The following CDR2 variants were observed in gnomAD, a reference collection of about 807,000 sequenced individuals.
CDR2 encodes cerebellar degeneration related protein 2, also known as cerebellar degeneration-related protein 2.
A neutral mutation model predicts 48.4 loss-of-function variants in CDR2; 34 were observed. The observed-to-expected ratio is 0.70, with a 90% CI of 0.53 to 0.94. The LOEUF (loss-of-function observed/expected upper bound fraction) is 0.94, where lower values mean the gene tolerates loss of function less well. Among genes scored for constraint, CDR2 ranks in the 40% least tolerant of loss-of-function variants. CDR2 has a pLI of 0.00. For synonymous variants in CDR2, 240 were observed against 219.7 expected (o/e 1.09, Z -0.82); for missense variants, 498 against 549.5 (o/e 0.91, Z 0.94).
Position 22,371,848 on chromosome 16 carries a change from A to ATGTGTG in CDR2, c.79+2377_79+2382dup, listed in dbSNP as rs56274013. Among the ~76,000 whole-genome samples the ATGTGTG allele has an allele frequency of 7.1e-4, 105 of 148,552 alleles. No individual in the cohort carries two copies. In the South Asian group the frequency reaches 0.016, roughly 23 times the overall value. On this transcript the variant is annotated intron_variant, in intron 1 of 4. Transcript: ENST00000268383. ...CAACTGGCAGTAAAGAGGTTCAGAT[A>ATGTGTG]TGTGTGTGTGTGTGTGTGTGTGTGT...
intron 4 of CDR2, among the ~76,000 whole-genome samples, chr16:22,348,950 C>T (rs1166035738): frequency 5.3e-5 from 8 of 152,214 alleles, no homozygotes; most frequent in Admixed American, 4.6e-4. Flanking sequence ...ATCTCCTGTT[C>T]GCTTGAATTT....
In CDR2 at chr16:22,347,331, C is replaced by T. The variant is rs772107643; in HGVS notation, c.999G>A (p.Arg333=). 4 of 1,614,250 alleles carry T rather than the reference C, an allele frequency of 2.5e-6. No homozygotes were observed. The highest frequency in any genetic ancestry group is 2.2e-5 in the South Asian group (2 of 91,092). ...CCCTCTGTTTCACAGCCTTGGCCCT[C>T]CTGATGCAGGTCTCCTCGTGGCCCT... ...IVKGHEETCI[R]RAKAVKQRGI... is the part of the protein sequence containing the mutation. The change falls in exon 5 of 5, where the codon AGG becomes AGA. Residue 333 remains arginine (R), a synonymous_variant. Coordinates refer to ENST00000268383, the MANE Select transcript of CDR2 (RefSeq NM_001802.2).
At position 22,347,249 on chromosome 16, in the gene CDR2, C is replaced by A; in HGVS notation, c.1081G>T (p.Glu361Ter). ...TCTTGGCACTTCTTCAGCAACTCTT[C>A]ATACTTCACCTTCAGGGCGCTGTAC... ...TQYSALKVKY[E>*]ELLKKCQEEQ... The change falls in exon 5 of 5, where the codon GAA becomes TAA. Residue 361 changes from glutamate (E) to a stop codon, truncating the protein, a stop_gained. Transcript: ENST00000268383. LOFTEE classifies it high-confidence loss of function. 3 of 1,614,198 alleles carry A rather than the reference C, an allele frequency of 1.9e-6. No homozygotes were observed. Among genetic ancestry groups the A allele is most frequent in the Non-Finnish European group, 2.5e-6 (3 of 1,180,030 alleles).
Position 22,346,311 on chromosome 16 carries a change from C to T in CDR2, c.*654G>A, listed in dbSNP as rs982411317. On this transcript the variant is annotated 3_prime_UTR_variant, in exon 5 of 5. Transcript: ENST00000268383. ...ATACAGGGATGGAGGCCCTCTAGGG[C>T]ATATGCTAACAAGCTAACTTATATC... The T allele has an allele frequency of 2.0e-5, 3 of 152,926 alleles. No homozygotes were observed. The highest frequency in any genetic ancestry group is 4.8e-5 in the African/African-American group (2 of 41,462). The allele number at this position is 152,926 out of a possible 1,614,324, so 9.5% of individuals were successfully genotyped here.
intron 2 of CDR2, among the ~76,000 whole-genome samples, chr16:22,357,257 C>T (rs1455974621): frequency 1.3e-5 from 2 of 152,086 alleles, no homozygotes; most frequent in African/African-American, 4.8e-5. Context: ...CCATGTTGGC[C>T]GGGCTGGTCT....
chr16:22,346,859 CA>C lies in CDR2; in HGVS notation c.*105del. On this transcript the variant is annotated 3_prime_UTR_variant, in exon 5 of 5. Coordinates refer to ENST00000268383, the MANE Select transcript of CDR2 (RefSeq NM_001802.2). ...TTGCTAAATAAGCAAAGCAATGAGG[CA>C]AACGTCATGAGTAACATTAGGCTTC... The C allele has an allele frequency of 3.2e-6, 4 of 1,267,798 alleles. No individual in the cohort carries two copies. The highest frequency in any genetic ancestry group is 4.4e-6 in the Non-Finnish European group (4 of 905,094). The allele number at this position is 1,267,798 out of a possible 1,614,324, so 78.5% of individuals were successfully genotyped here. A position where few individuals can be genotyped will look rare whatever the true frequency, so the allele number is the denominator to read the frequency against.
Position 22,346,205 on chromosome 16 carries a change from T to TA in CDR2, c.*759_*760insT, listed in dbSNP as rs1325430459. On this transcript the variant is annotated 3_prime_UTR_variant, in exon 5 of 5. Coordinates refer to ENST00000268383, the MANE Select transcript of CDR2 (RefSeq NM_001802.2). ...AGGGAAGGGGTTTGATCTTTCCCCT[T>TA]TAGTTTGAATTTGAGAAAGTGATAA... 6.6e-6 allele frequency: 1 copy of TA among 152,446 alleles called. No individual in the cohort carries two copies. Among genetic ancestry groups the TA allele is most frequent in the Non-Finnish European group, 1.5e-5 (1 of 68,038 alleles). 9.4% of individuals were successfully genotyped at this position (152,446 alleles called of 1,614,324 possible). A position where few individuals can be genotyped will look rare whatever the true frequency, so the allele number is the denominator to read the frequency against.
Position 22,347,295 on chromosome 16 carries a change from A to G in CDR2, c.1035T>C (p.Leu345=), listed in dbSNP as rs746707595. The stretch of plus-strand genomic sequence containing the variant: ...TGTACTGCGTGTCCACTTCGTGCAG[A>G]AGGGAGATGCCCCTCTGTTTCACAG... ...AKAVKQRGIS[L]LHEVDTQYSA... Residue 345 remains leucine (L), a synonymous_variant, in exon 5 of 5, where the codon CTT becomes CTC. Transcript: ENST00000268383. The G allele has an allele frequency of 6.2e-7, 1 of 1,614,210 alleles. No individual in the cohort carries two copies.
At position 22,347,287 on chromosome 16, in the gene CDR2, T is replaced by C; in HGVS notation, c.1043A>G (p.Glu348Gly). 1.2e-6 allele frequency: 2 copies of C among 1,614,228 alleles called. No individual in the cohort carries two copies. The highest frequency in any genetic ancestry group is 2.2e-5 in the South Asian group (2 of 91,088). The change falls in exon 5 of 5, where the codon GAA (glutamate) becomes GGA (glycine). Residue 348 changes from glutamate (E) to glycine (G), a missense_variant. Physicochemically the swap from Glu to Gly is moderately conservative, Grantham distance 98 (BLOSUM62 -2). Transcript: ENST00000268383. ...CAGGGCGCTGTACTGCGTGTCCACT[T>C]CGTGCAGAAGGGAGATGCCCCTCTG... ...VKQRGISLLH[E>G]VDTQYSALKV...
chr16:22,353,091 G>A (rs1378378953), intron 2 of CDR2, among the ~76,000 whole-genome samples: 1 of 152,152 alleles, frequency 6.6e-6, no homozygotes, highest in East Asian at 1.9e-4. Context: ...TTTATATCAA[G>A]TATAAATTAT....
At chr16:22,349,897 G>A (rs1349582737) in intron 2 of CDR2, 48 bp from the exon 3 acceptor site, 2 of 1,584,362 alleles carry the variant, frequency 1.3e-6, no homozygotes, top group South Asian at 1.1e-5. Flanking sequence ...TAAGATACCT[G>A]CTGTTTCTTG....
chr16:22,354,998 A>G (rs1237660649), intron 2 of CDR2, among the ~76,000 whole-genome samples: 1 of 152,218 alleles, frequency 6.6e-6, no homozygotes, highest in African/African-American at 2.4e-5. Flanking sequence ...ACCAGTTTCA[A>G]CAATTATCAA....
chr16:22,361,895 T>C (rs947754172), intron 2 of CDR2, among the ~76,000 whole-genome samples: 15 of 127,692 alleles, frequency 1.2e-4, no homozygotes, highest in African/African-American at 3.5e-4. Context: ...ATGAATTTTA[T>C]ACTTTTTTTT....
intron 1 of CDR2, among the ~76,000 whole-genome samples, chr16:22,369,477 A>G (rs987764070): frequency 6.6e-6 from 1 of 152,106 alleles, no homozygotes; most frequent in Non-Finnish European, 1.5e-5. Context: ...GTAGATAGCA[A>G]ACAAAAAAGA....
Position 22,374,217 on chromosome 16 carries a change from G to GC in CDR2, c.79+13dup. ...CCAGGCCGCCGCCCGCCCGCGGGGC[G>GC]CCCCCGCCCTCACCTTGCTGGAGGT... is the stretch of plus-strand genomic sequence containing the variant. On this transcript the variant is annotated intron_variant, in intron 1 of 4. Transcript: ENST00000268383. 1 of 1,563,594 alleles carries GC rather than the reference G, an allele frequency of 6.4e-7. No homozygotes were observed. Among genetic ancestry groups the GC allele is most frequent in the Non-Finnish European group, 8.7e-7 (1 of 1,150,664 alleles).
intron 2 of CDR2, among the ~76,000 whole-genome samples, chr16:22,363,162 G>A (rs1046536112): frequency 4.0e-5 from 6 of 151,078 alleles, no homozygotes; most frequent in Admixed American, 4.0e-4. Flanking sequence ...GACTGGTCTC[G>A]AACTCCTGAC....
At chr16:22,356,700 C>A (rs1047000681) in intron 2 of CDR2, among the ~76,000 whole-genome samples, 1 of 152,054 alleles carries the variant, frequency 6.6e-6, no homozygotes, top group South Asian at 2.1e-4. Context: ...TTGCAGTGGG[C>A]CGAGATCACG....
intron 2 of CDR2, among the ~76,000 whole-genome samples, chr16:22,363,285 C>T (rs750336731): frequency 2.6e-5 from 4 of 152,112 alleles, no homozygotes; most frequent in East Asian, 3.9e-4. Context: ...ACATATTGTA[C>T]GCTCTTTTGA....
chr16:22,374,118 C>G (rs1205456103), intron 1 of CDR2, 113 bp downstream of exon 1: 4 of 666,750 alleles, frequency 6.0e-6, no homozygotes, highest in African/African-American at 5.8e-5. Context: ...GAGCCTGAGC[C>G]CTTCCCGGCA....
Sources: allele counts gnomAD v4.1 joint callset (sites outside exome capture counted in the v4.1 genomes callset), GRCh38; gene constraint gnomAD v4.1.1; transcripts MANE v1.5; gene names NCBI Gene and HGNC (gene_info 2026-07-23, HGNC 2026-07-21).